Variants in FBXL13 observed in about 807,000 individuals in gnomAD.
FBXL13 encodes F-box and leucine-rich repeat protein 13.
FBXL13 carries 67 observed loss-of-function variants against 83.6 expected under a neutral mutation model. The ratio of observed to expected loss-of-function variants is 0.80; its 90% CI spans 0.66 to 0.98. The LOEUF (loss-of-function observed/expected upper bound fraction) is 0.98. Ranked by LOEUF, FBXL13 falls within the 50% of genes least tolerant of loss-of-function variation. FBXL13 has a pLI of 0.00. For missense variants in FBXL13, 822 were observed against 866.5 expected (o/e 0.95, Z 0.64); for synonymous variants, 272 against 299.5 (o/e 0.91, Z 0.95).
chr7:102,910,032 C>A (rs1355417223), intron 11 of FBXL13, among the ~76,000 whole-genome samples: 1 of 152,120 alleles, frequency 6.6e-6, no homozygotes, highest in Non-Finnish European at 1.5e-5. Context: ...GCACTGTAGC[C>A]CTCAGTGGTG....
chr7:102,836,943 C>T (rs1191615438), intron 17 of FBXL13, among the ~76,000 whole-genome samples: 1 of 152,214 alleles, frequency 6.6e-6, no homozygotes, highest in Non-Finnish European at 1.5e-5. Flanking sequence ...AATTCTACTG[C>T]AAAGTTGGGG....
At chr7:102,940,846 A>G (rs1167664078) in intron 8 of FBXL13, among the ~76,000 whole-genome samples, 1 of 152,252 alleles carries the variant, frequency 6.6e-6, no homozygotes, top group Non-Finnish European at 1.5e-5. Context: ...TGCTTTCACT[A>G]GGCTACTTCA....
intron 8 of FBXL13, among the ~76,000 whole-genome samples, chr7:102,956,831 T>C (rs1453598268): frequency 1.3e-5 from 2 of 152,124 alleles, no homozygotes; most frequent in Non-Finnish European, 2.9e-5. Flanking sequence ...TTACAAGGGA[T>C]GTGAAGGACC....
At chr7:102,831,542 G>T (rs1047447480) in intron 18 of FBXL13, among the ~76,000 whole-genome samples, 1 of 152,072 alleles carries the variant, frequency 6.6e-6, no homozygotes, top group Admixed American at 6.6e-5. Flanking sequence ...AGAGACAGTT[G>T]CCCAGATTTA....
At chr7:102,993,480 C>T (rs1012782449) in intron 6 of FBXL13, among the ~76,000 whole-genome samples, 5 of 152,132 alleles carry the variant, frequency 3.3e-5, no homozygotes, top group African/African-American at 4.8e-5. Context: ...GCAACACTTA[C>T]ATTATTAAAC....
chr7:102,868,120 ATATC>A (rs1486459288), intron 16 of FBXL13, among the ~76,000 whole-genome samples: 1 of 152,228 alleles, frequency 6.6e-6, no homozygotes, highest in Admixed American at 6.5e-5. Flanking sequence ...AGTAATTAGC[ATATC>A]TATCACCTCA....
chr7:102,942,403 A>G (rs1821638627), intron 8 of FBXL13: 1 of 1,384,944 alleles, frequency 7.2e-7, no homozygotes, highest in Non-Finnish European at 9.8e-7. Flanking sequence ...ACAATCATAT[A>G]AAATGCCAGA....
intron 2 of FBXL13, among the ~76,000 whole-genome samples, chr7:103,040,841 A>C (rs180906937): frequency 3.3e-5 from 5 of 152,212 alleles, no homozygotes; most frequent in African/African-American, 4.8e-5. Flanking sequence ...GTGTAGAGGG[A>C]AATTGATAGC....
intron 8 of FBXL13, among the ~76,000 whole-genome samples, chr7:102,963,090 G>A (rs1185412839): frequency 4.0e-5 from 6 of 150,698 alleles, no homozygotes; most frequent in Non-Finnish European, 7.4e-5. Context: ...AGGCCGAGGC[G>A]GGTGGATCAC....
intron 6 of FBXL13, among the ~76,000 whole-genome samples, chr7:103,001,167 C>T (rs1790365021): frequency 6.6e-6 from 1 of 151,490 alleles, no homozygotes; most frequent in African/African-American, 2.4e-5. Flanking sequence ...CACCATGTTG[C>T]CCAGGCTGGT....
chr7:103,057,820 C>T (rs1276011849), intron 1 of FBXL13, among the ~76,000 whole-genome samples: 1 of 152,186 alleles, frequency 6.6e-6, no homozygotes, highest in Admixed American at 6.5e-5. Context: ...ACACTTCCCA[C>T]AGAAACCACC....
intron 6 of FBXL13, chr7:102,973,148 A>G (rs191748545): frequency 6.5e-4 from 114 of 174,580 alleles, no homozygotes; most frequent in Admixed American, 1.6e-3. Context: ...TGTTGGACTT[A>G]CGGAAGTAAC....
intron 6 of FBXL13, among the ~76,000 whole-genome samples, chr7:102,983,742 C>A (rs1563185146): frequency 6.6e-6 from 1 of 152,008 alleles, no homozygotes; most frequent in Non-Finnish European, 1.5e-5. Flanking sequence ...CTTTCCCAGT[C>A]AACGCCTTCA....
At position 102,999,168 on chromosome 7, in the gene FBXL13, C is replaced by A. The variant is rs149770174; in HGVS notation, c.495+25895G>T. 6.6e-5 allele frequency among the ~76,000 whole-genome samples: 10 copies of A among 152,010 alleles called. No individual in the cohort carries two copies. The East Asian group carries it at 1.9e-3, about 29-fold the overall frequency. On this transcript the variant is annotated intron_variant, in intron 6 of 19. Coordinates refer to ENST00000313221, the Ensembl canonical transcript of FBXL13. ...ATTTTATTAAATGCTTTTTCAGCAT[C>A]TATTGAAATGTTCATACGGTTGTCT...
rs748441490 is a variant in FBXL13 at position 102,832,997 on chromosome 7, A to T, written c.1720-23T>A. 8 of 1,613,322 alleles carry T rather than the reference A, an allele frequency of 5.0e-6. No homozygotes were observed. In the East Asian group the frequency reaches 1.3e-4, roughly 27 times the overall value. Reference sequence around the variant, plus strand: ...TGCCTGCAAAAAATTCCAAGGTCAAATTTTTTCTTTTCTTTAGTCATCTAG... The same window carrying T: ...TGCCTGCAAAAAATTCCAAGGTCAATTTTTTTCTTTTCTTTAGTCATCTAG... On this transcript the variant is annotated intron_variant, in intron 17 of 19. Transcript: ENST00000313221.
intron 8 of FBXL13, among the ~76,000 whole-genome samples, chr7:102,940,214 T>G (rs1361773693): frequency 7.6e-6 from 1 of 132,212 alleles, no homozygotes; most frequent in African/African-American, 2.9e-5. Flanking sequence ...ACTTTTTTTG[T>G]TTGTTTTTTT....
chr7:103,024,215 A>G (rs554032893), intron 6 of FBXL13, among the ~76,000 whole-genome samples: 12 of 148,750 alleles, frequency 8.1e-5, no homozygotes, highest in Admixed American at 6.8e-4. Context: ...GACAGACTTT[A>G]TTACATAAAG....
chr7:102,968,104 A>G, exon 7 of FBXL13: 2 of 1,611,384 alleles, frequency 1.2e-6, no homozygotes, highest in Non-Finnish European at 1.7e-6. Context: ...TTTTAAACTG[A>G]GGTAGAAGAA....
Position 102,846,891 on chromosome 7 carries a change from C to T in FBXL13, c.1719+7886G>A, listed in dbSNP as rs527852503. Among the ~76,000 whole-genome samples, 195 of 152,224 alleles carry T rather than the reference C, an allele frequency of 1.3e-3. 2 individuals carry two copies. Among genetic ancestry groups the T allele is most frequent in the African/African-American group, 4.4e-3 (183 of 41,538 alleles). On this transcript the variant is annotated intron_variant, in intron 17 of 19. Coordinates refer to ENST00000313221, the Ensembl canonical transcript of FBXL13. Reference sequence around the variant, plus strand: ...CAGCCACAGGCTCAATGCTCACTGACGGTGGCTGTCTGCCTGCCCAGCTAA... The same window carrying T: ...CAGCCACAGGCTCAATGCTCACTGATGGTGGCTGTCTGCCTGCCCAGCTAA...
Sources: gnomAD v4.1 joint callset for allele counts (sites outside exome capture counted in the v4.1 genomes callset) on GRCh38, gnomAD v4.1.1 for gene constraint, MANE v1.5 for transcripts, NCBI Gene and HGNC (gene_info 2026-07-23, HGNC 2026-07-21) for gene names.